GCA: variants seen among roughly 807,000 people sequenced by gnomAD.
GCA encodes grancalcin, EF-hand calcium-binding protein.
GCA carries 30 observed loss-of-function variants against 32.6 expected under a neutral mutation model. That is an observed-to-expected ratio of 0.92 (90% CI 0.69 to 1.25). The LOEUF (loss-of-function observed/expected upper bound fraction) is 1.25, where lower values mean the gene tolerates loss of function less well. Ranked by LOEUF, GCA falls within the 50% of genes most tolerant of loss-of-function variation. The pLI, the probability that GCA is intolerant of heterozygous loss-of-function variation, is 0.00. For synonymous variants in GCA, 102 were observed against 84.6 expected (o/e 1.21, Z -1.13); for missense variants, 291 against 266.8 (o/e 1.09, Z -0.63).
chr2:162,346,949 A>T (rs1684739847), intron 1 of GCA, among the ~76,000 whole-genome samples: 1 of 152,206 alleles, frequency 6.6e-6, no homozygotes, highest in South Asian at 2.1e-4. Flanking sequence ...CTGAAAAGAA[A>T]CAAGTGGGAG....
At chr2:162,326,899 T>C (rs1005754725) in intron 1 of GCA, among the ~76,000 whole-genome samples, 1 of 152,154 alleles carries the variant, frequency 6.6e-6, no homozygotes, top group Admixed American at 6.5e-5. Context: ...CCACCCCTTA[T>C]CCCTGAGCCC....
chr2:162,352,729 A>G (rs1052055696), intron 3 of GCA, among the ~76,000 whole-genome samples: 11 of 152,152 alleles, frequency 7.2e-5, no homozygotes, highest in African/African-American at 2.4e-4. Flanking sequence ...ATATCCTGCT[A>G]TGAAAGATGA....
upstream of GCA, chr2:162,318,969 G>T (rs1272451121): frequency 1.2e-5 from 4 of 343,508 alleles, no homozygotes; most frequent in Non-Finnish European, 2.3e-5. Context: ...GGGCATAAAA[G>T]CATGTGATTT....
intron 2 of GCA, 96 bp from the exon 3 acceptor site, chr2:162,352,242 T>C: frequency 1.4e-6 from 1 of 717,242 alleles, no homozygotes; most frequent in Non-Finnish European, 2.5e-6. Flanking sequence ...TTTCAAAGAA[T>C]GCATATGTCT....
intron 1 of GCA, among the ~76,000 whole-genome samples, chr2:162,326,496 C>A (rs1468062037): frequency 2.0e-5 from 3 of 151,816 alleles, no homozygotes; most frequent in Admixed American, 6.6e-5. Flanking sequence ...TAGAGGCATC[C>A]CTCATTTCCC....
intron 5 of GCA, among the ~76,000 whole-genome samples, chr2:162,357,164 T>G (rs1052023753): frequency 6.6e-6 from 1 of 151,934 alleles, no homozygotes. Context: ...ATTTATTTCT[T>G]TGTTAGTACT....
chr2:162,371,941 T>C (rs1685964260), downstream of GCA: 4 of 1,613,924 alleles, frequency 2.5e-6, no homozygotes, highest in Non-Finnish European at 3.4e-6. Flanking sequence ...AACGTAAGTT[T>C]TTCTTTGCCG....
intron 1 of GCA, among the ~76,000 whole-genome samples, chr2:162,337,139 C>T (rs1430244486): frequency 1.3e-5 from 2 of 152,156 alleles, no homozygotes; most frequent in African/African-American, 4.8e-5. Flanking sequence ...CTGTGGACTG[C>T]GTCAATGAGC....
upstream of GCA, among the ~76,000 whole-genome samples, chr2:162,343,002 G>A (rs79785221): frequency 0.022 from 3,337 of 152,274 alleles, 128 homozygotes; most frequent in African/African-American, 0.076. Flanking sequence ...GAGTAGCTAG[G>A]ACATCGGCAA....
At chr2:162,334,704 C>G (rs1004257039) in intron 1 of GCA, among the ~76,000 whole-genome samples, 4 of 152,180 alleles carry the variant, frequency 2.6e-5, no homozygotes, top group African/African-American at 7.2e-5. Flanking sequence ...ATAAGCTTCA[C>G]AAGGACAGGC....
At chr2:162,371,738 C>T (rs1685954271), downstream of GCA, 1 of 1,218,614 alleles carries the variant, frequency 8.2e-7, no homozygotes, top group African/African-American at 1.5e-5. Flanking sequence ...CCTTGTGAGC[C>T]CCTGAGTCAA....
At chr2:162,373,903 A>T (rs887906755), downstream of GCA, among the ~76,000 whole-genome samples, 2 of 152,238 alleles carry the variant, frequency 1.3e-5, no homozygotes, top group African/African-American at 4.8e-5. Flanking sequence ...AATCAAATGA[A>T]CAAAATAGAC....
chr2:162,348,159 G>T (rs971078498), intron 2 of GCA, among the ~76,000 whole-genome samples: 3 of 152,040 alleles, frequency 2.0e-5, no homozygotes, highest in Non-Finnish European at 2.9e-5. Flanking sequence ...ACATTTAGGA[G>T]CATCATACTC....
chr2:162,347,587 T>C lies in GCA; in HGVS notation c.37T>C (p.Phe13Leu), dbSNP rs774079196. The C allele has an allele frequency of 1.7e-5, 27 of 1,604,052 alleles. No homozygotes were observed. Among genetic ancestry groups the C allele is most frequent in the Non-Finnish European group, 2.0e-5 (23 of 1,173,486 alleles). The part of the protein sequence containing the change: ...YPGYGGGFGN[F>L]SIQVPGMQMG... ...CCTTTCACTATTATAGTTTGGAAAT[T>C]TTAGCATTCAGGTGCCAGGAATGCA... Residue 13 changes from phenylalanine to leucine, a missense_variant, in exon 2 of 8, where the codon TTT becomes CTT. Physicochemically the swap from Phe to Leu is conservative, Grantham distance 22 (BLOSUM62 0). Transcript: ENST00000437150.
At chr2:162,328,510 GC>G (rs1683968947) in intron 1 of GCA, among the ~76,000 whole-genome samples, 1 of 152,182 alleles carries the variant, frequency 6.6e-6, no homozygotes, top group Non-Finnish European at 1.5e-5. Context: ...TCCCGGGTGA[GC>G]CCCCAGTTGA....
intron 4 of GCA, among the ~76,000 whole-genome samples, chr2:162,369,093 C>T (rs1176194592): frequency 6.6e-6 from 1 of 152,058 alleles, no homozygotes; most frequent in East Asian, 1.9e-4. Flanking sequence ...AGAAGGAAAG[C>T]ATTTGCTACA....
downstream of GCA, among the ~76,000 whole-genome samples, chr2:162,363,582 T>C (rs1288274846): frequency 6.6e-6 from 1 of 151,420 alleles, no homozygotes; most frequent in Non-Finnish European, 1.5e-5. Flanking sequence ...ATAGTACATA[T>C]ATTAAACTTT....
At chr2:162,352,464 T>G (rs75814294) in intron 3 of GCA, 57 bp downstream of exon 3, 4 of 1,050,658 alleles carry the variant, frequency 3.8e-6, no homozygotes, top group Non-Finnish European at 5.9e-6. Flanking sequence ...TTTTCTTACT[T>G]TTTTTGTCCC....
At chr2:162,324,102 G>A (rs991696283) in intron 1 of GCA, among the ~76,000 whole-genome samples, 1 of 152,100 alleles carries the variant, frequency 6.6e-6, no homozygotes, top group Admixed American at 6.5e-5. Flanking sequence ...GCAGTGTCTA[G>A]GGGTGGATGT....
Sources: gnomAD v4.1 joint callset for allele counts (sites outside exome capture counted in the v4.1 genomes callset) on GRCh38, gnomAD v4.1.1 for gene constraint, MANE v1.5 for transcripts, NCBI Gene and HGNC (gene_info 2026-07-23, HGNC 2026-07-21) for gene names.